The following HDAC9 variants were observed in gnomAD, a reference collection of about 807,000 sequenced individuals.
HDAC9 encodes the protein histone deacetylase 9.
HDAC9 carries 41 observed loss-of-function variants against 139.4 expected under a neutral mutation model. The ratio of observed to expected loss-of-function variants is 0.29; its 90% CI spans 0.23 to 0.38. The LOEUF (loss-of-function observed/expected upper bound fraction) is 0.38, where lower values mean the gene tolerates loss of function less well. Among genes scored for constraint, HDAC9 ranks in the 10% least tolerant of loss-of-function variants. The probability of loss-of-function intolerance (pLI) is 1.00; values close to 1 mark genes in which losing one functional copy is unlikely to be tolerated. For synonymous variants in HDAC9, 517 were observed against 476.2 expected (o/e 1.09, Z -1.12); for missense variants, 1,147 against 1,297.0 (o/e 0.88, Z 1.78).
At chr7:18,984,604 AG>A (rs1383027937) in intron 25 of HDAC9, among the ~76,000 whole-genome samples, 1 of 152,162 alleles carries the variant, frequency 6.6e-6, no homozygotes, top group Non-Finnish European at 1.5e-5. Flanking sequence ...ATGGAGAGGA[AG>A]AAAACCTAGT....
intron 4 of HDAC9, among the ~76,000 whole-genome samples, chr7:18,590,695 G>C (rs750095710): frequency 7.2e-5 from 11 of 152,086 alleles, no homozygotes; most frequent in Non-Finnish European, 1.6e-4. Flanking sequence ...AGAAGCAAAC[G>C]TAACATTATC....
intron 17 of HDAC9, among the ~76,000 whole-genome samples, chr7:18,799,861 C>A (rs867775900): frequency 6.6e-6 from 1 of 152,078 alleles, no homozygotes; most frequent in Non-Finnish European, 1.5e-5. Flanking sequence ...GAAGAAATTA[C>A]GGCTGAATAT....
At chr7:18,771,727 C>T (rs929368205) in intron 16 of HDAC9, among the ~76,000 whole-genome samples, 2 of 152,038 alleles carry the variant, frequency 1.3e-5, no homozygotes, top group African/African-American at 4.8e-5. Context: ...GTGGCAAGCC[C>T]TACAAAGAGC....
intron 21 of HDAC9, among the ~76,000 whole-genome samples, chr7:18,873,131 A>G (rs1011652677): frequency 2.6e-5 from 4 of 152,194 alleles, no homozygotes; most frequent in African/African-American, 9.6e-5. Context: ...TAAGGTTTGT[A>G]ATTACTGGGA....
chr7:18,802,529 A>AT (rs1793388979), intron 17 of HDAC9, among the ~76,000 whole-genome samples: 1 of 151,914 alleles, frequency 6.6e-6, no homozygotes, highest in Non-Finnish European at 1.5e-5. Context: ...AAGCTTATTA[A>AT]TTATTTTGTT....
At chr7:18,217,114 T>C (rs571411622) in intron 2 of HDAC9, among the ~76,000 whole-genome samples, 1 of 152,306 alleles carries the variant, frequency 6.6e-6, no homozygotes, top group Non-Finnish European at 1.5e-5. Context: ...AAATTTCTTC[T>C]AGAACTGTTC....
intron 21 of HDAC9, among the ~76,000 whole-genome samples, chr7:18,874,001 GT>G (rs35144869): frequency 0.16 from 9,327 of 58,108 alleles, 501 homozygotes; most frequent in African/African-American, 0.35. Context: ...ATTTAAAAAT[GT>G]TTTTTTTTTT....
chr7:18,461,467 A>G (rs1464219549), intron 1 of HDAC9, among the ~76,000 whole-genome samples: 2 of 152,174 alleles, frequency 1.3e-5, no homozygotes, highest in African/African-American at 4.8e-5. Flanking sequence ...CATATCCAAT[A>G]TTTCCTAAAA....
intron 2 of HDAC9, among the ~76,000 whole-genome samples, chr7:18,550,174 C>G (rs925431912): frequency 6.6e-6 from 1 of 152,078 alleles, no homozygotes; most frequent in Non-Finnish European, 1.5e-5. Flanking sequence ...AGATTAGAAC[C>G]TAAAGCAGAG....
Position 18,655,469 on chromosome 7 carries a change from G to C in HDAC9, c.1467+6786G>C, listed in dbSNP as rs114737628. Among the ~76,000 whole-genome samples the C allele has an allele frequency of 9.1e-3, 1,382 of 152,118 alleles. 24 individuals carry two copies. Among genetic ancestry groups the C allele is most frequent in the African/African-American group, 0.032 (1,317 of 41,514 alleles). On this transcript the variant is annotated intron_variant, in intron 11 of 25. Transcript: ENST00000686413. ...AATATAAATAGATTCTTTTAAATAC[G>C]TAGTACTAGGTCTCCAAAAAAATCC...
chr7:18,602,438 G>C (rs1404028905), intron 6 of HDAC9, among the ~76,000 whole-genome samples: 1 of 150,056 alleles, frequency 6.7e-6, no homozygotes, highest in East Asian at 2.0e-4. Flanking sequence ...TTGATTTCCT[G>C]GTTATAATTG....
At chr7:18,906,066 T>C (rs1337388439) in intron 22 of HDAC9, among the ~76,000 whole-genome samples, 1 of 151,770 alleles carries the variant, frequency 6.6e-6, no homozygotes, top group African/African-American at 2.4e-5. Context: ...TTCTCTCCTT[T>C]TGCTTTGTCT....
At position 18,257,666 on chromosome 7, in the gene HDAC9, C is replaced by A. The variant is rs536120711; in HGVS notation, c.25+95317C>A. ...AGAGCACAACCCTTCCTAATACCAA[C>A]TCTAGGCAGAAATAAATCTTTTCTG... is the stretch of plus-strand genomic sequence containing the variant. On this transcript the variant is annotated intron_variant, in intron 2 of 12. Coordinates refer to the HDAC9 transcript ENST00000417496. Among the ~76,000 whole-genome samples, 680 of 152,246 alleles carry A rather than the reference C, an allele frequency of 4.5e-3. 5 individuals are homozygous for A. The highest frequency in any genetic ancestry group is 0.016 in the African/African-American group (660 of 41,544).
chr7:18,864,613 A>T (rs61447648), intron 21 of HDAC9, among the ~76,000 whole-genome samples: 2 of 42,468 alleles, frequency 4.7e-5, no homozygotes, highest in African/African-American at 1.4e-4. Flanking sequence ...TACCACAATT[A>T]AAAAAAAAAA....
At chr7:18,890,041 T>C (rs537648956) in intron 22 of HDAC9, among the ~76,000 whole-genome samples, 45 of 152,318 alleles carry the variant, frequency 3.0e-4, no homozygotes, top group African/African-American at 9.9e-4. Context: ...CAACTTACTT[T>C]CCCTTTTAGT....
chr7:18,282,113 AATC>A (rs1205465073), intron 2 of HDAC9, among the ~76,000 whole-genome samples: 2 of 152,204 alleles, frequency 1.3e-5, no homozygotes, highest in African/African-American at 2.4e-5. Flanking sequence ...ACACTCACAG[AATC>A]ATCATAATAT....
Position 18,935,826 on chromosome 7 carries a change from A to G in HDAC9, c.2821A>G (p.Lys941Glu). ...TATGGTAGGTTTTGGTCATTTGACGAAGCAATTGATGACATTGGCTGATGG... is the reference window on the plus strand; with the variant it reads ...TATGGTAGGTTTTGGTCATTTGACGGAGCAATTGATGACATTGGCTGATGG... Reference protein sequence around the residue: ...VTAKCFGHLTKQLMTLADGRV... With the variant: ...VTAKCFGHLTEQLMTLADGRV... Residue 941 changes from lysine to glutamate, a missense_variant, in exon 23 of 26, where the codon AAG (lysine) becomes GAG (glutamate). Around this residue, in one of 7 missense-constraint regions of HDAC9, gnomAD observed 407 missense variants for 521.5 expected, o/e 0.78. Transcript: ENST00000686413. 6.2e-7 allele frequency: 1 copy of G among 1,613,628 alleles called. No individual in the cohort carries two copies. The highest frequency in any genetic ancestry group is 2.2e-5 in the East Asian group (1 of 44,870).
chr7:18,537,311 A>G (rs1372391331), intron 2 of HDAC9, among the ~76,000 whole-genome samples: 2 of 152,120 alleles, frequency 1.3e-5, no homozygotes, highest in Non-Finnish European at 2.9e-5. Context: ...GAACCAAACT[A>G]AGGGGTTTGG....
intron 16 of HDAC9, among the ~76,000 whole-genome samples, chr7:18,785,576 A>T (rs1791643896): frequency 6.6e-6 from 1 of 152,194 alleles, no homozygotes; most frequent in African/African-American, 2.4e-5. Context: ...ATTTAAAAAA[A>T]ATATTTTAGC....
Sources: allele counts gnomAD v4.1 joint callset (sites outside exome capture counted in the v4.1 genomes callset), GRCh38; gene constraint gnomAD v4.1.1; regional missense constraint gnomAD v4.1.1; transcripts MANE v1.5; gene names NCBI Gene and HGNC (gene_info 2026-07-23, HGNC 2026-07-21).